The following SPMAP2L variants were observed in gnomAD, a reference collection of about 807,000 sequenced individuals.
SPMAP2L encodes the protein sperm microtubule associated protein 2 like, also known as sperm microtubule associated protein 2-like.
At chr4:56,561,384 G>A in the SPMAP2L span, among the ~76,000 whole-genome samples, 1 of 152,120 alleles carries the variant, frequency 6.6e-6, no homozygotes, top group African/African-American at 2.4e-5. Flanking sequence ...AAGAGAAGAG[G>A]TTTATTTAGC....
At chr4:56,609,301 A>C in the SPMAP2L span, among the ~76,000 whole-genome samples, 2 of 152,144 alleles carry the variant, frequency 1.3e-5, no homozygotes, top group African/African-American at 4.8e-5. Context: ...TTGGCCTCCC[A>C]AAGTGCTGGG....
the SPMAP2L span, chr4:56,548,964 C>G: frequency 1.2e-5 from 5 of 422,920 alleles, no homozygotes; most frequent in African/African-American, 4.1e-5. Context: ...TCATAAGGTC[C>G]TTTTCTTTCT....
chr4:56,573,047 C>T, the SPMAP2L span, among the ~76,000 whole-genome samples: 3 of 150,976 alleles, frequency 2.0e-5, no homozygotes, highest in African/African-American at 7.3e-5. Context: ...TGAGTACCTG[C>T]TACATTGACA....
chr4:56,537,952 C>T, the SPMAP2L span, among the ~76,000 whole-genome samples: 1 of 152,130 alleles, frequency 6.6e-6, no homozygotes, highest in Non-Finnish European at 1.5e-5. Flanking sequence ...CTCGGCCCCC[C>T]AAAGTGCTGG....
chr4:56,563,610 C>T, the SPMAP2L span, among the ~76,000 whole-genome samples: 1 of 151,962 alleles, frequency 6.6e-6, no homozygotes, highest in Non-Finnish European at 1.5e-5. Flanking sequence ...GATAAAATAC[C>T]AGTTTAAGGT....
the SPMAP2L span, among the ~76,000 whole-genome samples, chr4:56,577,045 A>G: frequency 6.6e-6 from 1 of 150,664 alleles, no homozygotes; most frequent in African/African-American, 2.5e-5. Context: ...CTGTTTAAGT[A>G]TAAAGCCAAG....
At chr4:56,592,956 A>C in the SPMAP2L span, 1 of 1,604,538 alleles carries the variant, frequency 6.2e-7, no homozygotes, top group Non-Finnish European at 8.5e-7. Flanking sequence ...GCCAACATCC[A>C]TTTGAAAAGA....
At chr4:56,583,483 CA>C in the SPMAP2L span, among the ~76,000 whole-genome samples, 1 of 151,562 alleles carries the variant, frequency 6.6e-6, no homozygotes, top group African/African-American at 2.4e-5. Context: ...TGTATCTCAG[CA>C]AAAAAACAAA....
chr4:56,584,261 G>T, the SPMAP2L span, among the ~76,000 whole-genome samples: 1 of 152,140 alleles, frequency 6.6e-6, no homozygotes, highest in South Asian at 2.1e-4. Context: ...TGGGATGCCT[G>T]TTGGGATTAC....
the SPMAP2L span, among the ~76,000 whole-genome samples, chr4:56,599,323 A>G: frequency 6.6e-6 from 1 of 152,120 alleles, no homozygotes; most frequent in Non-Finnish European, 1.5e-5. Context: ...AGCTGTGACC[A>G]CAGACATGCA....
chr4:56,602,077 G>A, the SPMAP2L span, among the ~76,000 whole-genome samples: 11 of 152,108 alleles, frequency 7.2e-5, no homozygotes, highest in East Asian at 9.6e-4. Flanking sequence ...CATCATGTAC[G>A]TGTATGGCCT....
At chr4:56,588,889 T>C in the SPMAP2L span, among the ~76,000 whole-genome samples, 1 of 152,224 alleles carries the variant, frequency 6.6e-6, no homozygotes, top group East Asian at 1.9e-4. Context: ...GTGTCCTTTC[T>C]CCACTTTATG....
the SPMAP2L span, chr4:56,530,946 G>A: frequency 7.2e-6 from 11 of 1,535,034 alleles, no homozygotes; most frequent in South Asian, 1.2e-4. Context: ...CTCCCTATGC[G>A]CCCCACAAGC....
At chr4:56,567,722 C>CA in the SPMAP2L span, among the ~76,000 whole-genome samples, 1 of 152,090 alleles carries the variant, frequency 6.6e-6, no homozygotes, top group African/African-American at 2.4e-5. Context: ...AATACTGCCT[C>CA]ACTGTCTCCA....
the SPMAP2L span, chr4:56,593,673 G>A: frequency 3.5e-3 from 5,594 of 1,603,580 alleles, 133 homozygotes; most frequent in African/African-American, 0.06. Context: ...GTCCGAGAAA[G>A]CTTGGTGAGA....
At chr4:56,594,869 TG>T in the SPMAP2L span, 2 of 1,609,790 alleles carry the variant, frequency 1.2e-6, no homozygotes, top group South Asian at 2.2e-5. Flanking sequence ...GGTGGGAATC[TG>T]TCGCCCTGGA....
chr4:56,543,875 TGAGAGAGA>T, the SPMAP2L span, among the ~76,000 whole-genome samples: 3 of 121,416 alleles, frequency 2.5e-5, no homozygotes, highest in Middle Eastern at 3.6e-3. Context: ...TAGCATATAT[TGAGAGAGA>T]GAGAGAGAGA....
chr4:56,622,850 G>T, the SPMAP2L span, among the ~76,000 whole-genome samples: 2 of 152,166 alleles, frequency 1.3e-5, no homozygotes, highest in Non-Finnish European at 2.9e-5. Context: ...AACTCAGCTT[G>T]CTTTCTGACT....
At chr4:56,559,487 C>T in the SPMAP2L span, 1 of 1,531,016 alleles carries the variant, frequency 6.5e-7, no homozygotes. Context: ...CTTGCCCAGC[C>T]CAAGGAAGTT....
Sources: allele counts gnomAD v4.1 joint callset (sites outside exome capture counted in the v4.1 genomes callset), GRCh38; gene constraint gnomAD v4.1.1; transcripts MANE v1.5; gene names NCBI Gene and HGNC (gene_info 2026-07-23, HGNC 2026-07-21).